The following SORCS2 variants were observed in gnomAD, a reference collection of about 807,000 sequenced individuals.
SORCS2 encodes VPS10 domain-containing receptor SorCS2.
Under a neutral mutation model 141.6 loss-of-function variants are expected in SORCS2, and 100 were observed. That is an observed-to-expected ratio of 0.71 (90% CI 0.60 to 0.83). SORCS2 has a LOEUF of 0.83. Among genes scored for constraint, SORCS2 ranks in the 40% least tolerant of loss-of-function variants. The probability of loss-of-function intolerance (pLI) is 0.00; values close to 1 mark genes in which losing one functional copy is unlikely to be tolerated. For missense variants in SORCS2, 1,646 were observed against 1,560.2 expected (o/e 1.05, Z -0.93); for synonymous variants, 789 against 676.9 (o/e 1.17, Z -2.57).
At chr4:7,580,211 G>T (rs1435234307) in intron 3 of SORCS2, among the ~76,000 whole-genome samples, 2 of 152,184 alleles carry the variant, frequency 1.3e-5, no homozygotes, top group Non-Finnish European at 2.9e-5. Flanking sequence ...AATGGGTGTG[G>T]TGGCTCATGC....
intron 2 of SORCS2, among the ~76,000 whole-genome samples, chr4:7,498,242 C>T (rs996174835): frequency 5.3e-5 from 8 of 152,318 alleles, no homozygotes; most frequent in Admixed American, 1.3e-4. Flanking sequence ...CAACCTCTCA[C>T]GCCCAGGACT....
chr4:7,487,293 T>G (rs1304172353), intron 2 of SORCS2, among the ~76,000 whole-genome samples: 1 of 152,222 alleles, frequency 6.6e-6, no homozygotes, highest in Non-Finnish European at 1.5e-5. Flanking sequence ...GTCTGTTACA[T>G]TCCCTTGGCC....
chr4:7,605,692 T>C (rs1718012485), intron 3 of SORCS2, among the ~76,000 whole-genome samples: 1 of 152,198 alleles, frequency 6.6e-6, no homozygotes, highest in African/African-American at 2.4e-5. Flanking sequence ...GGTGGATGTT[T>C]TGGGATCCCT....
intron 1 of SORCS2, among the ~76,000 whole-genome samples, chr4:7,335,628 A>G (rs1719935122): frequency 6.6e-6 from 1 of 152,198 alleles, no homozygotes; most frequent in Admixed American, 6.5e-5. Context: ...AGGGCTGTTC[A>G]CTGGCAGCTC....
chr4:7,387,438 C>T (rs1484694118), intron 1 of SORCS2, among the ~76,000 whole-genome samples: 2 of 84,104 alleles, frequency 2.4e-5, no homozygotes, highest in South Asian at 5.1e-4. Context: ...CACATAGGTA[C>T]ATGCATGCAC....
intron 2 of SORCS2, among the ~76,000 whole-genome samples, chr4:7,481,966 C>T (rs1218325679): frequency 2.5e-5 from 3 of 120,542 alleles, no homozygotes; most frequent in Non-Finnish European, 3.7e-5. Flanking sequence ...ACACCCCTGA[C>T]GCTGTTCAGA....
At chr4:7,380,099 C>T (rs1324009067) in intron 1 of SORCS2, among the ~76,000 whole-genome samples, 3 of 152,174 alleles carry the variant, frequency 2.0e-5, no homozygotes, top group South Asian at 4.2e-4. Context: ...TATGGTTGCT[C>T]ATGCCTCAGA....
chr4:7,250,219 G>T (rs1713399356), intron 1 of SORCS2, among the ~76,000 whole-genome samples: 1 of 150,864 alleles, frequency 6.6e-6, no homozygotes, highest in African/African-American at 2.4e-5. Context: ...TCCAGCCTGG[G>T]TGATTGAGCG....
intron 3 of SORCS2, among the ~76,000 whole-genome samples, chr4:7,555,275 G>C (rs1297784694): frequency 6.6e-6 from 1 of 152,228 alleles, no homozygotes; most frequent in African/African-American, 2.4e-5. Context: ...GAGCAGTTAG[G>C]TGCAATCGCT....
At chr4:7,467,332 C>G (rs998248278) in intron 2 of SORCS2, among the ~76,000 whole-genome samples, 1 of 152,178 alleles carries the variant, frequency 6.6e-6, no homozygotes, top group African/African-American at 2.4e-5. Context: ...GGCTCCCACT[C>G]AGATCTGCTG....
At chr4:7,628,296 G>A (rs1719645982) in intron 3 of SORCS2, among the ~76,000 whole-genome samples, 1 of 152,178 alleles carries the variant, frequency 6.6e-6, no homozygotes, top group East Asian at 1.9e-4. Context: ...GCCGAGGCGG[G>A]CGGATCACGA....
intron 24 of SORCS2, among the ~76,000 whole-genome samples, chr4:7,733,952 G>A (rs756163301): frequency 2.5e-4 from 38 of 152,100 alleles, no homozygotes; most frequent in Non-Finnish European, 4.3e-4. Flanking sequence ...CAGGAGCGCC[G>A]GCCACGGGCA....
intron 1 of SORCS2, among the ~76,000 whole-genome samples, chr4:7,227,999 G>A (rs1373838881): frequency 6.6e-6 from 1 of 152,198 alleles, no homozygotes; most frequent in Non-Finnish European, 1.5e-5. Context: ...GAGCAAGCGG[G>A]AGCTCATGGG....
intron 2 of SORCS2, among the ~76,000 whole-genome samples, chr4:7,515,703 C>T (rs1732932128): frequency 6.6e-6 from 1 of 152,116 alleles, no homozygotes; most frequent in African/African-American, 2.4e-5. Context: ...GTTTCTGCTG[C>T]ATGCAAGGTG....
chr4:7,408,640 T>A (rs1373798922), intron 2 of SORCS2, among the ~76,000 whole-genome samples: 1 of 152,214 alleles, frequency 6.6e-6, no homozygotes, highest in African/African-American at 2.4e-5. Context: ...GATATTTATA[T>A]CTTTTTCAAG....
chr4:7,387,618 T>TGCACAC (rs773934076), intron 1 of SORCS2, among the ~76,000 whole-genome samples: 8,584 of 117,134 alleles, frequency 0.073, 752 homozygotes, highest in African/African-American at 0.18. Flanking sequence ...TGCACACACA[T>TGCACAC]ACACATTTGC....
At chr4:7,662,626 GAGAA>G (rs910823279) in intron 6 of SORCS2, among the ~76,000 whole-genome samples, 5 of 152,232 alleles carry the variant, frequency 3.3e-5, no homozygotes, top group Non-Finnish European at 7.3e-5. Context: ...GTGCTACAGA[GAGAA>G]AGATTCACTG....
chr4:7,514,092 G>C (rs1732829243), intron 2 of SORCS2, among the ~76,000 whole-genome samples: 4 of 152,180 alleles, frequency 2.6e-5, no homozygotes. Flanking sequence ...GGTGGGGCCA[G>C]TGGACAGACC....
chr4:7,674,443 G>A (rs1186209773), intron 8 of SORCS2, among the ~76,000 whole-genome samples: 1 of 151,956 alleles, frequency 6.6e-6, no homozygotes, highest in Non-Finnish European at 1.5e-5. Context: ...CATAGTGGCA[G>A]GCGCCTGTAA....
Sources: gnomAD v4.1 joint callset for allele counts (sites outside exome capture counted in the v4.1 genomes callset) on GRCh38, gnomAD v4.1.1 for gene constraint, MANE v1.5 for transcripts, NCBI Gene and HGNC (gene_info 2026-07-23, HGNC 2026-07-21) for gene names.